APBB2: variants seen among roughly 807,000 people sequenced by gnomAD.
APBB2 encodes the protein amyloid beta precursor protein binding family B member 2.
In APBB2, 38 loss-of-function variants were observed where a neutral mutation model predicts 82.5. The observed-to-expected ratio is 0.46, with a 90% CI of 0.36 to 0.60. The LOEUF is 0.60. Among genes scored for constraint, APBB2 ranks in the 20% least tolerant of loss-of-function variants. The pLI is 0.00. For missense variants in APBB2, 772 were observed against 972.3 expected (o/e 0.79, Z 2.74); for synonymous variants, 341 against 368.2 (o/e 0.93, Z 0.85).
At chr4:41,164,824 T>A (rs1285848169) in intron 1 of APBB2, among the ~76,000 whole-genome samples, 1 of 152,240 alleles carries the variant, frequency 6.6e-6, no homozygotes, top group Non-Finnish European at 1.5e-5. Context: ...ATTCTTTTAA[T>A]TTAGAAATAG....
chr4:40,851,182 T>C (rs1345390925), intron 12 of APBB2, among the ~76,000 whole-genome samples: 2 of 152,172 alleles, frequency 1.3e-5, no homozygotes, highest in Non-Finnish European at 2.9e-5. Flanking sequence ...GCTGAGATGG[T>C]AGAATAATTC....
intron 1 of APBB2, among the ~76,000 whole-genome samples, chr4:41,162,264 A>C (rs1264811890): frequency 6.7e-6 from 1 of 150,146 alleles, no homozygotes; most frequent in Non-Finnish European, 1.5e-5. Flanking sequence ...ATTGAATCAC[A>C]GTCTACACAT....
chr4:41,087,140 T>C (rs1185453807), intron 3 of APBB2, among the ~76,000 whole-genome samples: 1 of 152,062 alleles, frequency 6.6e-6, no homozygotes, highest in Non-Finnish European at 1.5e-5. Context: ...GCCCTTTCTC[T>C]AAAAAATAAA....
chr4:40,853,457 CTT>C (rs112974904), intron 12 of APBB2, among the ~76,000 whole-genome samples: 2 of 146,234 alleles, frequency 1.4e-5, no homozygotes. Flanking sequence ...TGCTTTCCTT[CTT>C]TTTTTTTTTG....
chr4:41,163,303 G>A (rs1320284897), intron 1 of APBB2, among the ~76,000 whole-genome samples: 1 of 152,162 alleles, frequency 6.6e-6, no homozygotes. Context: ...TTGAATAGGG[G>A]AATAGCCCTG....
intron 3 of APBB2, among the ~76,000 whole-genome samples, chr4:41,081,512 A>G (rs990789960): frequency 1.3e-5 from 2 of 152,248 alleles, no homozygotes; most frequent in Non-Finnish European, 2.9e-5. Context: ...ATAGCTAGCT[A>G]ATCACCTTTA....
At chr4:40,854,512 C>T (rs1477118260) in intron 12 of APBB2, among the ~76,000 whole-genome samples, 3 of 152,080 alleles carry the variant, frequency 2.0e-5, no homozygotes, top group African/African-American at 4.8e-5. Context: ...CTAGGCCTGG[C>T]GCGGTGGCTC....
chr4:41,193,249 GA>G (rs1445510107), intron 1 of APBB2, among the ~76,000 whole-genome samples: 1 of 152,110 alleles, frequency 6.6e-6, no homozygotes, highest in Non-Finnish European at 1.5e-5. Context: ...GTAAAATAGG[GA>G]AAAGATGATA....
chr4:41,205,426 G>A (rs970968235), intron 1 of APBB2, among the ~76,000 whole-genome samples: 4 of 152,078 alleles, frequency 2.6e-5, no homozygotes, highest in African/African-American at 9.7e-5. Context: ...CAGAGCTAAG[G>A]AAAATCATAA....
At chr4:41,065,738 T>A (rs1731533657) in intron 3 of APBB2, 65 bp from the exon 4 acceptor site, 2 of 101,904 alleles carry the variant, frequency 2.0e-5, no homozygotes, top group Admixed American at 9.0e-5. Context: ...TGACAGCTTT[T>A]TTTTTTTTTT....
rs538764742 is a variant in APBB2, at chr4:40,912,198, T to C, written c.1255-18787A>G. On this transcript the variant is annotated intron_variant, in intron 10 of 17. Coordinates refer to ENST00000508593, the MANE Select transcript of APBB2 (RefSeq NM_004307.2). ...AAATCCAACCCCTGGCAGTCTGACA[T>C]AGGGCTGCTGTCAAATCCCCATAGC... Among the ~76,000 whole-genome samples, 112 of 152,314 alleles carry C rather than the reference T, an allele frequency of 7.4e-4. 1 individual carries two copies. In the South Asian group the frequency reaches 0.011, roughly 15 times the overall value.
At chr4:40,941,001 G>A (rs1423715189) in intron 7 of APBB2, among the ~76,000 whole-genome samples, 1 of 152,180 alleles carries the variant, frequency 6.6e-6, no homozygotes, top group African/African-American at 2.4e-5. Context: ...CATATGCAGC[G>A]GAAACATTAT....
chr4:40,988,658 C>G (rs74956918), intron 6 of APBB2, among the ~76,000 whole-genome samples: 2 of 39,012 alleles, frequency 5.1e-5, no homozygotes, highest in Non-Finnish European at 9.0e-5. Flanking sequence ...AAAAAAAAGA[C>G]TGTCTCAAAA....
intron 1 of APBB2, among the ~76,000 whole-genome samples, chr4:41,176,148 A>G (rs1169196162): frequency 3.9e-5 from 6 of 152,172 alleles, no homozygotes; most frequent in African/African-American, 1.4e-4. Flanking sequence ...TATTTAAGAG[A>G]TTCTGGTCCC....
chr4:41,039,248 A>G (rs1202102370), intron 4 of APBB2, among the ~76,000 whole-genome samples: 1 of 152,220 alleles, frequency 6.6e-6, no homozygotes, highest in East Asian at 1.9e-4. Flanking sequence ...CAAGACATTT[A>G]TCATCCCTGG....
At chr4:41,124,183 C>G (rs1753718267) in intron 2 of APBB2, among the ~76,000 whole-genome samples, 2 of 152,160 alleles carry the variant, frequency 1.3e-5, no homozygotes, top group Non-Finnish European at 2.9e-5. Context: ...AAATTCTTCT[C>G]CTACTTTTGA....
At chr4:41,009,492 T>C (rs968497107) in intron 6 of APBB2, among the ~76,000 whole-genome samples, 2 of 152,182 alleles carry the variant, frequency 1.3e-5, no homozygotes, top group African/African-American at 4.8e-5. Flanking sequence ...GATTCAGTAG[T>C]AAAGGAAAAT....
intron 4 of APBB2, among the ~76,000 whole-genome samples, chr4:41,062,259 G>A (rs746359779): frequency 3.5e-4 from 53 of 151,876 alleles, no homozygotes; most frequent in Non-Finnish European, 6.8e-4. Flanking sequence ...TGCAACCTCC[G>A]CCTCCCAGGT....
At chr4:41,204,706 C>T (rs1226745573) in intron 1 of APBB2, among the ~76,000 whole-genome samples, 1 of 152,208 alleles carries the variant, frequency 6.6e-6, no homozygotes, top group East Asian at 1.9e-4. Context: ...TCAGTGTCCA[C>T]GTGTGGCATC....
Sources: allele counts gnomAD v4.1 joint callset (sites outside exome capture counted in the v4.1 genomes callset), GRCh38; gene constraint gnomAD v4.1.1; transcripts MANE v1.5; gene names NCBI Gene and HGNC (gene_info 2026-07-23, HGNC 2026-07-21).